The following PRDM7 variants were observed in gnomAD, a reference collection of about 807,000 sequenced individuals.
The protein encoded by PRDM7 is histone-lysine N-methyltransferase PRDM7.
PRDM7 carries 52 observed loss-of-function variants against 64.3 expected under a neutral mutation model. That is an observed-to-expected ratio of 0.81 (90% CI 0.65 to 1.02). The LOEUF (loss-of-function observed/expected upper bound fraction) is 1.02. Among genes scored for constraint, PRDM7 ranks in the 50% least tolerant of loss-of-function variants. The pLI, the probability that PRDM7 is intolerant of heterozygous loss-of-function variation, is 0.00. For synonymous variants in PRDM7, 192 were observed against 210.1 expected, an observed-to-expected ratio of 0.91 and a Z score of 0.74; for missense variants, 574 against 597.1, an observed-to-expected ratio of 0.96 and a Z score of 0.40.
In PRDM7 at chr16:90,060,140, T is replaced by A. The variant is rs2037747337; in HGVS notation, c.1233+201A>T. ...TGCATGAAGTACTTTGAATATAAAATCGGAACAAAGATTTAAAAATATAAA... is the reference window on the plus strand; with the variant it reads ...TGCATGAAGTACTTTGAATATAAAAACGGAACAAAGATTTAAAAATATAAA... On this transcript the variant is annotated intron_variant, in intron 10 of 10. Coordinates refer to ENST00000449207, the MANE Select transcript of PRDM7 (RefSeq NM_001098173.2). Among the ~76,000 whole-genome samples the A allele has an allele frequency of 3.3e-5, 5 of 152,190 alleles. No individual in the cohort carries two copies. In the South Asian group the frequency reaches 1.0e-3, roughly 32 times the overall value.
intron 8 of PRDM7, 23 bp downstream of exon 8, chr16:90,061,898 G>C: frequency 6.2e-7 from 1 of 1,614,120 alleles, no homozygotes; most frequent in Non-Finnish European, 8.5e-7. Flanking sequence ...GACAGAACAG[G>C]GGAAACAGCA....
In PRDM7 at chr16:90,061,469, G is replaced by A; in HGVS notation, c.933C>T (p.Ser311=). The A allele has an allele frequency of 2.5e-6, 4 of 1,605,350 alleles. No homozygotes were observed. The highest frequency in any genetic ancestry group is 2.2e-5 in the East Asian group (1 of 44,822). ...GGCCTTACCTCATCCAGTTGGCCGA[G>A]GATTTATCTTTTCCATCCACATACT... ...CYEYVDGKDK[S]SANWMRYVNC... is the part of the protein sequence containing the mutation. Residue 311 remains serine (S), a synonymous_variant, in exon 9 of 11, where the codon TCC becomes TCT. Transcript: ENST00000449207.
rs1039048626 is a variant in PRDM7 at position 90,056,634 on chromosome 16, C to T, written c.*1655G>A. ...CTGCTGTCTCAAGAGCCGAGCTCCCCGAGTGAGCAATTCCTGTCCCTTTTA... is the reference window on the plus strand; with the variant it reads ...CTGCTGTCTCAAGAGCCGAGCTCCCTGAGTGAGCAATTCCTGTCCCTTTTA... On this transcript the variant is annotated 3_prime_UTR_variant, in exon 11 of 11. Transcript: ENST00000449207. 94 of 152,282 alleles carry T rather than the reference C, an allele frequency of 6.2e-4. 1 individual carries two copies. The highest frequency in any genetic ancestry group is 2.2e-3 in the African/African-American group (90 of 41,564). The allele number at this position is 152,282 out of a possible 1,614,324, so 9.4% of individuals were successfully genotyped here. A position where few individuals can be genotyped will look rare whatever the true frequency, so the allele number is the denominator to read the frequency against.
At chr16:90,066,729 G>T (rs16966444) in intron 5 of PRDM7, 132 bp downstream of exon 5, 649,431 of 743,604 alleles carry the variant, frequency 0.87, 287,703 homozygotes, top group East Asian at 1. Flanking sequence ...AATGATGATG[G>T]CAGACACTGC....
intron 5 of PRDM7, among the ~76,000 whole-genome samples, chr16:90,065,412 G>GA (rs1303135608): frequency 2.4e-4 from 30 of 123,482 alleles, no homozygotes; most frequent in African/African-American, 8.8e-4. Flanking sequence ...AAAAAAAAAA[G>GA]AAAGAAAAGA....
Position 90,075,946 on chromosome 16 carries a change from C to T in PRDM7, c.-36G>A. The T allele has an allele frequency of 6.2e-7, 1 of 1,605,362 alleles. No individual in the cohort carries two copies. Among genetic ancestry groups the T allele is most frequent in the South Asian group, 1.1e-5 (1 of 89,898 alleles). On this transcript the variant is annotated 5_prime_UTR_variant, in exon 2 of 11. Coordinates refer to ENST00000449207, the MANE Select transcript of PRDM7 (RefSeq NM_001098173.2). The surrounding 1 kb of genome is among the most constrained non-coding windows in gnomAD (Gnocchi z 4.3). ...CTGTCTAGAAGGCCCTGCTCCAATT[C>T]TGAGTGTGGGAAGGGCCCCTGAGTC... is the stretch of plus-strand genomic sequence containing the variant.
In PRDM7 at chr16:90,075,953, T is replaced by C. The variant is rs530563859; in HGVS notation, c.-43A>G. 4.0e-5 allele frequency: 64 copies of C among 1,598,810 alleles called. No individual in the cohort carries two copies. The Admixed American group carries it at 4.3e-4, about 11-fold the overall frequency. On this transcript the variant is annotated 5_prime_UTR_variant, in exon 2 of 11. Transcript: ENST00000449207. The surrounding 1 kb of genome is among the most constrained non-coding windows in gnomAD (Gnocchi z 4.3). ...GAAGGCCCTGCTCCAATTCTGAGTG[T>C]GGGAAGGGCCCCTGAGTCTCCCAGC...
At chr16:90,073,177 A>G in intron 4 of PRDM7, among the ~76,000 whole-genome samples, 1 of 152,320 alleles carries the variant, frequency 6.6e-6, no homozygotes, top group Non-Finnish European at 1.5e-5. Flanking sequence ...AAGTAGATAC[A>G]TTTTGGTATA....
intron 4 of PRDM7, 73 bp downstream of exon 4, chr16:90,074,843 C>T: frequency 6.8e-7 from 1 of 1,472,502 alleles, no homozygotes; most frequent in Non-Finnish European, 9.4e-7. Flanking sequence ...CACGCCATTG[C>T]ACTCCAGCCT....
intron 1 of PRDM7, 113 bp from the exon 2 acceptor site, chr16:90,076,108 G>T: frequency 1.5e-6 from 1 of 645,294 alleles, no homozygotes; most frequent in Non-Finnish European, 2.6e-6. Context: ...TGGGTTCCTG[G>T]TGAGGTCTCG....
At chr16:90,060,212 G>T in intron 10 of PRDM7, 129 bp downstream of exon 10, 1 of 1,339,496 alleles carries the variant, frequency 7.5e-7, no homozygotes, top group Non-Finnish European at 1.0e-6. Context: ...CTTTAATTTT[G>T]GAAGCCACTG....
At chr16:90,068,257 C>T (rs540916027) in intron 4 of PRDM7, among the ~76,000 whole-genome samples, 12 of 147,280 alleles carry the variant, frequency 8.1e-5, no homozygotes, top group East Asian at 6.0e-4. Context: ...CCAGCTTGGG[C>T]GACAGAGCGA....
chr16:90,068,634 CAAAA>C (rs778285091), intron 4 of PRDM7, among the ~76,000 whole-genome samples: 1 of 93,400 alleles, frequency 1.1e-5, no homozygotes, highest in Non-Finnish European at 2.1e-5. Context: ...GACTCCGTCT[CAAAA>C]AAAAAAAAAA....
At chr16:90,076,531 A>G (rs1464995364) in intron 1 of PRDM7, among the ~76,000 whole-genome samples, 1 of 151,480 alleles carries the variant, frequency 6.6e-6, no homozygotes, top group Non-Finnish European at 1.5e-5. Context: ...GGCTGAGGGG[A>G]TTTGAGATGT....
chr16:90,074,005 C>G (rs537592244), intron 4 of PRDM7, among the ~76,000 whole-genome samples: 1 of 151,832 alleles, frequency 6.6e-6, no homozygotes, highest in Non-Finnish European at 1.5e-5. Context: ...AGGCTTGTCT[C>G]AAACTCCAGA....
At position 90,058,471 on chromosome 16, in the gene PRDM7, A is replaced by G; in HGVS notation, c.1297T>C (p.Ser433Pro). 1 of 1,614,132 alleles carries G rather than the reference A, an allele frequency of 6.2e-7. No individual in the cohort carries two copies. Among genetic ancestry groups the G allele is most frequent in the Non-Finnish European group, 8.5e-7 (1 of 1,180,036 alleles). Reference sequence around the variant, plus strand: ...GTGATTGCGTTCCACATGTTGACTGAGAAATTTTTGACTTGAAAAGGCCAG... The same window carrying G: ...GTGATTGCGTTCCACATGTTGACTGGGAAATTTTTGACTTGAAAAGGCCAG... Reference protein sequence around the residue: ...AVWPFQVKNFSVNMWNAITPL... With the variant: ...AVWPFQVKNFPVNMWNAITPL... The change falls in exon 11 of 11, where the codon TCA becomes CCA. Residue 433 changes from serine (S) to proline (P), a missense_variant. By Grantham distance (74) the Ser-to-Pro change is moderately conservative. Transcript: ENST00000449207.
Position 90,057,701 on chromosome 16 carries a change from G to A in PRDM7, c.*588C>T, listed in dbSNP as rs778223617. The A allele has an allele frequency of 1.2e-4, 140 of 1,186,736 alleles. No individual in the cohort carries two copies. The highest frequency in any genetic ancestry group is 1.4e-4 in the Non-Finnish European group (134 of 934,256). The allele number at this position is 1,186,736 out of a possible 1,614,324, so 73.5% of individuals were successfully genotyped here. A position where few individuals can be genotyped will look rare whatever the true frequency, so the allele number is the denominator to read the frequency against. ...CGGATTTGTTTAATTAGTTATTTCC[G>A]ATCTCTTTACACTCTCGGGGAATGT... On this transcript the variant is annotated 3_prime_UTR_variant, in exon 11 of 11. Transcript: ENST00000449207.
chr16:90,063,009 G>C (rs558424741), intron 6 of PRDM7, among the ~76,000 whole-genome samples: 1 of 152,304 alleles, frequency 6.6e-6, no homozygotes, highest in East Asian at 1.9e-4. Context: ...CAATACATGA[G>C]CTCTATATAC....
intron 9 of PRDM7, among the ~76,000 whole-genome samples, chr16:90,061,210 G>C (rs191503491): frequency 9.1e-4 from 139 of 152,104 alleles, no homozygotes; most frequent in African/African-American, 2.9e-3. Context: ...ACCTTATCAA[G>C]GTTTATCTTG....
Sources: gnomAD v4.1 joint callset for allele counts (sites outside exome capture counted in the v4.1 genomes callset) on GRCh38, gnomAD v4.1.1 for gene constraint, Gnocchi (gnomAD v3.1) non-coding constraint, MANE v1.5 for transcripts, NCBI Gene and HGNC (gene_info 2026-07-23, HGNC 2026-07-21) for gene names.